Variants in NLK observed in about 807,000 individuals in gnomAD.
The protein encoded by NLK is nemo like kinase.
In NLK, 11 loss-of-function variants were observed where a neutral mutation model predicts 59.0. The observed-to-expected ratio is 0.19, with a 90% CI of 0.12 to 0.31. The LOEUF is 0.31. Ranked by LOEUF, NLK falls within the 10% of genes least tolerant of loss-of-function variation. NLK has a pLI of 1.00. For synonymous variants in NLK, 235 were observed against 235.9 expected (o/e 1.00, Z 0.03); for missense variants, 410 against 661.1 (o/e 0.62, Z 4.16).
intron 1 of NLK, among the ~76,000 whole-genome samples, chr17:28,074,439 T>C (rs1910106214): frequency 6.6e-6 from 1 of 152,188 alleles, no homozygotes; most frequent in African/African-American, 2.4e-5. Flanking sequence ...CAGTGATAGA[T>C]TTTAGAGCAT....
At chr17:28,134,117 G>T (rs1489612900) in intron 3 of NLK, among the ~76,000 whole-genome samples, 5 of 152,126 alleles carry the variant, frequency 3.3e-5, no homozygotes, top group Non-Finnish European at 7.3e-5. Flanking sequence ...AGTATAGTGG[G>T]CACAGTGGCT....
At chr17:28,145,133 C>T (rs530679353) in intron 3 of NLK, among the ~76,000 whole-genome samples, 31 of 152,144 alleles carry the variant, frequency 2.0e-4, no homozygotes, top group African/African-American at 7.2e-4. Context: ...GGCAAGAGAA[C>T]CAGATGGTAG....
chr17:28,143,511 AAG>A (rs1240436913), intron 3 of NLK, among the ~76,000 whole-genome samples: 1 of 152,206 alleles, frequency 6.6e-6, no homozygotes, highest in Non-Finnish European at 1.5e-5. Context: ...TGAAATAGTA[AAG>A]AGAGTTTAGG....
intron 1 of NLK, among the ~76,000 whole-genome samples, chr17:28,107,263 C>T (rs1380815524): frequency 7.9e-5 from 12 of 151,832 alleles, no homozygotes; most frequent in African/African-American, 2.7e-4. Flanking sequence ...ATGAGACCCC[C>T]GTCTCTACTA....
chr17:28,057,372 A>C (rs1052984671), intron 1 of NLK, among the ~76,000 whole-genome samples: 2 of 152,242 alleles, frequency 1.3e-5, no homozygotes, highest in African/African-American at 4.8e-5. Context: ...TGTTCCATGT[A>C]ATGAATTTTG....
chr17:28,192,072 C>T (rs367669061), intron 9 of NLK, 48 bp from the exon 10 acceptor site: 56 of 1,123,576 alleles, frequency 5.0e-5, no homozygotes, highest in Non-Finnish European at 5.9e-5. Flanking sequence ...TCACTGCTCC[C>T]GGGCTTGCAA....
intron 1 of NLK, among the ~76,000 whole-genome samples, chr17:28,120,094 C>T (rs1389230828): frequency 1.3e-5 from 2 of 152,090 alleles, no homozygotes; most frequent in African/African-American, 4.8e-5. Flanking sequence ...TTTTTCTCTT[C>T]TAGTAGCTAG....
intron 1 of NLK, among the ~76,000 whole-genome samples, chr17:28,117,910 A>G (rs1015512203): frequency 2.6e-5 from 4 of 152,192 alleles, no homozygotes; most frequent in African/African-American, 9.6e-5. Flanking sequence ...ATACAACTCT[A>G]TAAATATGGT....
intron 10 of NLK, among the ~76,000 whole-genome samples, chr17:28,192,757 C>G (rs1909354033): frequency 6.6e-6 from 1 of 152,166 alleles, no homozygotes; most frequent in Non-Finnish European, 1.5e-5. Context: ...CCCGGATGAC[C>G]ATTGTGCTGC....
At chr17:28,071,863 C>G (rs1052498555) in intron 1 of NLK, among the ~76,000 whole-genome samples, 2 of 152,232 alleles carry the variant, frequency 1.3e-5, no homozygotes, top group African/African-American at 2.4e-5. Context: ...GCCCTGCTTT[C>G]AGCATGCAGT....
intron 7 of NLK, 75 bp downstream of exon 7, chr17:28,172,693 T>TGG: frequency 8.3e-6 from 6 of 722,404 alleles, no homozygotes; most frequent in Non-Finnish European, 1.2e-5. Context: ...AGTAATCTAT[T>TGG]AAGGATTTTT....
chr17:28,131,006 G>T (rs1335296009), intron 2 of NLK, among the ~76,000 whole-genome samples: 1 of 151,924 alleles, frequency 6.6e-6, no homozygotes, highest in South Asian at 2.1e-4. Flanking sequence ...TAATTCAAAA[G>T]GAAAGATAGA....
At chr17:28,045,149 G>T (rs1249196696) in intron 1 of NLK, among the ~76,000 whole-genome samples, 1 of 152,128 alleles carries the variant, frequency 6.6e-6, no homozygotes, top group Admixed American at 6.5e-5. Flanking sequence ...GTTTTTAATT[G>T]ATTGACTGCT....
chr17:28,181,255 C>T lies in NLK; in HGVS notation c.1150-3924C>T, dbSNP rs567332149. Among the ~76,000 whole-genome samples, 4 of 152,134 alleles carry T rather than the reference C, an allele frequency of 2.6e-5. No individual in the cohort carries two copies. In the South Asian group the frequency reaches 8.3e-4, roughly 32 times the overall value. On this transcript the variant is annotated intron_variant, in intron 7 of 10. Coordinates refer to ENST00000407008, the MANE Select transcript of NLK (RefSeq NM_016231.5). ...TCCACTAAAAATACAAAAAAATTAG[C>T]CACGCGTGTGGCAGGTGCCTGTAAT... is the stretch of plus-strand genomic sequence containing the variant.
At chr17:28,068,071 G>A (rs9904327) in intron 1 of NLK, among the ~76,000 whole-genome samples, 20 of 151,310 alleles carry the variant, frequency 1.3e-4, no homozygotes, top group African/African-American at 4.9e-4. Flanking sequence ...AAGCCGAGAG[G>A]TGGAGGTTGC....
intron 1 of NLK, chr17:28,061,865 T>C (rs1597658730): frequency 6.9e-6 from 1 of 145,424 alleles, no homozygotes; most frequent in East Asian, 1.9e-4. Context: ...AATATATACA[T>C]ATACATATAT....
At chr17:28,134,605 C>G (rs1906659967) in intron 3 of NLK, among the ~76,000 whole-genome samples, 1 of 152,198 alleles carries the variant, frequency 6.6e-6, no homozygotes, top group South Asian at 2.1e-4. Context: ...GTCCTGGAAC[C>G]AATCCCCCTT....
chr17:28,066,957 A>G (rs763582785), intron 1 of NLK, among the ~76,000 whole-genome samples: 7 of 152,180 alleles, frequency 4.6e-5, no homozygotes, highest in African/African-American at 7.2e-5. Context: ...CTTTCTTAAT[A>G]GTAGGTTTTG....
chr17:28,168,860 T>C (rs969282261), intron 6 of NLK, among the ~76,000 whole-genome samples: 1 of 152,114 alleles, frequency 6.6e-6, no homozygotes, highest in Non-Finnish European at 1.5e-5. Context: ...AGAGGGAGTA[T>C]TGAGTTTATT....
Sources: allele counts gnomAD v4.1 joint callset (sites outside exome capture counted in the v4.1 genomes callset), GRCh38; gene constraint gnomAD v4.1.1; transcripts MANE v1.5; gene names NCBI Gene and HGNC (gene_info 2026-07-23, HGNC 2026-07-21).